MAP3K5: variants seen among roughly 807,000 people sequenced by gnomAD.
The protein encoded by MAP3K5 is ASK-1.
Under a neutral mutation model 158.7 loss-of-function variants are expected in MAP3K5, and 56 were observed. The observed-to-expected ratio is 0.35, with a 90% CI of 0.28 to 0.44. The LOEUF is 0.44. Ranked by LOEUF, MAP3K5 falls within the 20% of genes least tolerant of loss-of-function variation. The probability of loss-of-function intolerance (pLI) is 1.00; values close to 1 mark genes in which losing one functional copy is unlikely to be tolerated. For synonymous variants in MAP3K5, 579 were observed against 601.7 expected (o/e 0.96, Z 0.55); for missense variants, 1,294 against 1,674.8 (o/e 0.77, Z 3.97).
At chr6:136,728,959 G>T (rs1467513064) in intron 1 of MAP3K5, among the ~76,000 whole-genome samples, 1 of 117,620 alleles carries the variant, frequency 8.5e-6, no homozygotes, top group Non-Finnish European at 1.8e-5. Context: ...GTGGAGGGAG[G>T]GACAGAACAG....
chr6:136,678,679 A>AT (rs199543484), intron 7 of MAP3K5, among the ~76,000 whole-genome samples: 167 of 149,952 alleles, frequency 1.1e-3, no homozygotes, highest in African/African-American at 2.4e-3. Context: ...ACTCCTGTTG[A>AT]TTTTTTTTTT....
At chr6:136,719,250 T>C (rs562884983) in intron 2 of MAP3K5, among the ~76,000 whole-genome samples, 2 of 152,126 alleles carry the variant, frequency 1.3e-5, no homozygotes, top group Non-Finnish European at 2.9e-5. Flanking sequence ...AATAATTCCT[T>C]CATCAAATGC....
At chr6:136,621,844 T>C (rs973159419) in intron 15 of MAP3K5, among the ~76,000 whole-genome samples, 9 of 152,180 alleles carry the variant, frequency 5.9e-5, no homozygotes, top group African/African-American at 1.9e-4. Flanking sequence ...CCCAGCACTT[T>C]GGGAGGCCGA....
chr6:136,698,741 G>T lies in MAP3K5; in HGVS notation c.613-59C>A, dbSNP rs1159073079. 30 of 1,156,894 alleles carry T rather than the reference G, an allele frequency of 2.6e-5. No individual in the cohort carries two copies. The Middle Eastern group carries it at 9.3e-4, about 36-fold the overall frequency. The allele number at this position is 1,156,894 out of a possible 1,614,324, so 71.7% of individuals were successfully genotyped here. On this transcript the variant is annotated intron_variant, in intron 3 of 29. Transcript: ENST00000359015. ...CTGGCCTGGAGACACGGCACAGATG[G>T]AATCCCACGTCTTACTCATTTTAAA...
At chr6:136,678,302 GA>G (rs948038842) in intron 7 of MAP3K5, among the ~76,000 whole-genome samples, 4 of 151,700 alleles carry the variant, frequency 2.6e-5, no homozygotes, top group African/African-American at 9.7e-5. Context: ...TATATTCTAA[GA>G]AAAAAATGGT....
intron 3 of MAP3K5, among the ~76,000 whole-genome samples, chr6:136,704,586 C>T (rs1207513050): frequency 1.3e-5 from 2 of 152,172 alleles, no homozygotes; most frequent in African/African-American, 4.8e-5. Context: ...CACTCTGTCA[C>T]CCAGGCTGGA....
intron 12 of MAP3K5, among the ~76,000 whole-genome samples, chr6:136,640,847 T>G (rs952549004): frequency 6.6e-6 from 1 of 152,176 alleles, no homozygotes; most frequent in Non-Finnish European, 1.5e-5. Flanking sequence ...CTCTTCTTTG[T>G]GGAGGAGGAG....
intron 7 of MAP3K5, among the ~76,000 whole-genome samples, chr6:136,691,452 A>C (rs12153890): frequency 0.19 from 29,068 of 151,906 alleles, 3,394 homozygotes; most frequent in East Asian, 0.28. Context: ...CTCAACTAAA[A>C]ATACAAAAAG....
intron 10 of MAP3K5, among the ~76,000 whole-genome samples, chr6:136,651,339 A>G (rs1248061194): frequency 6.6e-6 from 1 of 152,216 alleles, no homozygotes; most frequent in Non-Finnish European, 1.5e-5. Context: ...TTAGAAATAA[A>G]TTTTTGAAGT....
rs1299300666 is a variant in MAP3K5 at position 136,613,702 on chromosome 6, T to C, written c.2279-446A>G. ...TTCCGCATTTTTGTCCTGTAAATGA[T>C]TGGAGAAGACTGAATGGTGCCAAAG... On this transcript the variant is annotated intron_variant, in intron 16 of 29. Transcript: ENST00000359015. The surrounding 1 kb of genome is among the most constrained non-coding windows in gnomAD (Gnocchi z 4.0). Among the ~76,000 whole-genome samples the C allele has an allele frequency of 6.6e-6, 1 of 152,148 alleles. No individual in the cohort carries two copies. The highest frequency in any genetic ancestry group is 6.5e-5 in the Admixed American group (1 of 15,278).
chr6:136,761,582 C>T (rs969193533), intron 1 of MAP3K5, among the ~76,000 whole-genome samples: 1 of 152,142 alleles, frequency 6.6e-6, no homozygotes, highest in African/African-American at 2.4e-5. Flanking sequence ...CACAGAAGGA[C>T]AGATGTGCAC....
intron 3 of MAP3K5, among the ~76,000 whole-genome samples, chr6:136,699,189 T>C (rs570828922): frequency 4.6e-5 from 7 of 152,280 alleles, no homozygotes; most frequent in African/African-American, 1.7e-4. Flanking sequence ...GAAGTTACCC[T>C]TGATGCTTCC....
chr6:136,600,404 G>A (rs1775823610), intron 21 of MAP3K5, among the ~76,000 whole-genome samples: 1 of 151,918 alleles, frequency 6.6e-6, no homozygotes, highest in African/African-American at 2.4e-5. Context: ...ATATTGCCCA[G>A]GCTGGTATTG....
At position 136,656,308 on chromosome 6, in the gene MAP3K5, G is replaced by A; in HGVS notation, c.1679C>T (p.Pro560Leu). The A allele has an allele frequency of 1.2e-6, 2 of 1,613,306 alleles. No individual in the cohort carries two copies. Among genetic ancestry groups the A allele is most frequent in the South Asian group, 1.1e-5 (1 of 91,034 alleles). The change falls in exon 10 of 30, where the codon CCA (proline) becomes CTA (leucine). Residue 560 changes from proline (P) to leucine (L), a missense_variant and splice_region_variant. This residue lies in a region of MAP3K5 where 690 missense variants were observed against 870.5 expected (regional missense o/e 0.79). Transcript: ENST00000359015. ...TAGATTTAAAGGAAGAGTACTCACT[G>A]GAAACCTAACCACAGTAACATCTGT... The part of the protein sequence containing the change: ...TKTDVTVVRF[P>L]VLILEPTKIY...
intron 25 of MAP3K5, among the ~76,000 whole-genome samples, chr6:136,577,041 G>A (rs1031052375): frequency 3.9e-5 from 6 of 151,990 alleles, no homozygotes; most frequent in South Asian, 2.1e-4. Context: ...GCCTAAGGAC[G>A]CATGTCTCAG....
At chr6:136,647,169 T>C (rs952649636) in intron 11 of MAP3K5, among the ~76,000 whole-genome samples, 5 of 152,226 alleles carry the variant, frequency 3.3e-5, no homozygotes, top group African/African-American at 1.2e-4. Context: ...CAGTCTTCTC[T>C]GTGACCCTCC....
intron 2 of MAP3K5, among the ~76,000 whole-genome samples, chr6:136,706,630 G>C (rs552791595): frequency 8.4e-4 from 128 of 152,338 alleles, no homozygotes; most frequent in Non-Finnish European, 1.4e-3. Context: ...AGCCAGATCT[G>C]GGAGGGAAGA....
intron 14 of MAP3K5, among the ~76,000 whole-genome samples, chr6:136,623,457 T>A (rs1355631776): frequency 1.3e-5 from 2 of 152,080 alleles, no homozygotes; most frequent in African/African-American, 4.8e-5. Flanking sequence ...TCTTACCAGG[T>A]GCCAATGATA....
At chr6:136,695,224 GC>G (rs1473681841) in intron 6 of MAP3K5, among the ~76,000 whole-genome samples, 2 of 152,138 alleles carry the variant, frequency 1.3e-5, no homozygotes, top group Non-Finnish European at 2.9e-5. Flanking sequence ...TGCAACTTCT[GC>G]CTCCCAGGTT....
Sources: allele counts gnomAD v4.1 joint callset (sites outside exome capture counted in the v4.1 genomes callset), GRCh38; gene constraint gnomAD v4.1.1; regional missense constraint gnomAD v4.1.1; non-coding constraint Gnocchi (gnomAD v3.1); transcripts MANE v1.5; gene names NCBI Gene and HGNC (gene_info 2026-07-23, HGNC 2026-07-21).